The following RDX variants were observed in gnomAD, a reference collection of about 807,000 sequenced individuals.
RDX encodes the protein radixin, also known as deafness, autosomal recessive 24.
In RDX, 32 loss-of-function variants were observed where a neutral mutation model predicts 83.7. That is an observed-to-expected ratio of 0.38 (90% CI 0.29 to 0.51). The LOEUF (loss-of-function observed/expected upper bound fraction) is 0.51. RDX is among the 20% of genes least tolerant of loss of function. RDX has a pLI of 0.87. For missense variants in RDX, 600 were observed against 689.9 expected (o/e 0.87, Z 1.46); for synonymous variants, 229 against 222.7 (o/e 1.03, Z -0.25).
intron 14 of RDX, among the ~76,000 whole-genome samples, chr11:110,214,080 C>T (rs1257678272): frequency 3.0e-5 from 4 of 133,540 alleles, no homozygotes; most frequent in African/African-American, 1.1e-4. Context: ...AAAATTTTCG[C>T]AACCTACTCA....
At chr11:110,260,148 G>T (rs997913013) in intron 5 of RDX, among the ~76,000 whole-genome samples, 3 of 151,664 alleles carry the variant, frequency 2.0e-5, no homozygotes, top group African/African-American at 7.3e-5. Context: ...CACCACGCCC[G>T]GCTAATTTTG....
At chr11:110,246,937 A>C (rs1430419838) in intron 10 of RDX, among the ~76,000 whole-genome samples, 3 of 152,232 alleles carry the variant, frequency 2.0e-5, no homozygotes, top group Non-Finnish European at 4.4e-5. Flanking sequence ...CAGATTATTA[A>C]ATAGAGCTTT....
Position 110,279,677 on chromosome 11 carries a change from T to C in RDX, c.12+4A>G. ...CACTGTCAAATGTAATAAAATACAC[T>C]TACTGGTTTCGGCATTTTCTTTCTC... is the stretch of plus-strand genomic sequence containing the variant. On this transcript the variant is annotated splice_donor_region_variant and intron_variant, in intron 2 of 13. Coordinates refer to ENST00000645495, the MANE Select transcript of RDX (RefSeq NM_002906.4). 1 of 1,527,582 alleles carries C rather than the reference T, an allele frequency of 6.5e-7. No individual in the cohort carries two copies. Among genetic ancestry groups the C allele is most frequent in the Non-Finnish European group, 9.1e-7 (1 of 1,102,854 alleles). The allele number at this position is 1,527,582 out of a possible 1,614,324, so 94.6% of individuals were successfully genotyped here. A position where few individuals can be genotyped will look rare whatever the true frequency, so the allele number is the denominator to read the frequency against.
At chr11:110,240,685 C>T in intron 10 of RDX, among the ~76,000 whole-genome samples, 1 of 141,396 alleles carries the variant, frequency 7.1e-6, no homozygotes, top group African/African-American at 2.7e-5. Flanking sequence ...GCGGAGCTTG[C>T]AGTGAGCCGA....
chr11:110,284,449 TTTAGATAAGGTTAAGTGGAAAGGCAG>T (rs1860896060), intron 1 of RDX, among the ~76,000 whole-genome samples: 1 of 152,150 alleles, frequency 6.6e-6, no homozygotes, highest in East Asian at 1.9e-4. Context: ...TGTGTCAACA[TTTAGATAAGGTTAAGTGGAAAGGCAG>T]AATATGTAAC....
chr11:110,223,843 A>G (rs1436193810), intron 14 of RDX, among the ~76,000 whole-genome samples: 2 of 152,120 alleles, frequency 1.3e-5, no homozygotes, highest in African/African-American at 4.8e-5. Flanking sequence ...AGGTGGGCAG[A>G]TCACCTGAGG....
At chr11:110,241,012 C>G (rs1390952457) in intron 10 of RDX, among the ~76,000 whole-genome samples, 1 of 130,114 alleles carries the variant, frequency 7.7e-6, no homozygotes, top group African/African-American at 2.9e-5. Flanking sequence ...GCCGAGATCA[C>G]ACCACTGCAC....
intron 14 of RDX, among the ~76,000 whole-genome samples, chr11:110,203,712 C>T (rs1357686209): frequency 6.6e-6 from 1 of 151,646 alleles, no homozygotes; most frequent in Non-Finnish European, 1.5e-5. Flanking sequence ...GCATCATCTA[C>T]AAAAAAGTTT....
At chr11:110,280,169 T>C (rs1164538475) in intron 1 of RDX, among the ~76,000 whole-genome samples, 1 of 152,024 alleles carries the variant, frequency 6.6e-6, no homozygotes, top group East Asian at 1.9e-4. Context: ...TTATTCAATG[T>C]TTTTTTTCTG....
At chr11:110,258,022 T>A in intron 6 of RDX, 84 bp downstream of exon 6, 1 of 1,482,628 alleles carries the variant, frequency 6.7e-7, no homozygotes, top group Admixed American at 1.7e-5. Flanking sequence ...AAACAATCTT[T>A]TGGAAATAAT....
At chr11:110,177,379 G>A (rs925668583) in intron 15 of RDX, among the ~76,000 whole-genome samples, 2 of 152,180 alleles carry the variant, frequency 1.3e-5, no homozygotes, top group African/African-American at 4.8e-5. Context: ...TATTGTAAAA[G>A]GTGATCTTTT....
At chr11:110,176,685 C>T (rs941950380) in intron 15 of RDX, among the ~76,000 whole-genome samples, 3 of 152,108 alleles carry the variant, frequency 2.0e-5, no homozygotes, top group Admixed American at 6.5e-5. Context: ...AGAGGGGTGG[C>T]GCAGGGAATA....
chr11:110,254,098 A>C lies in RDX; in HGVS notation c.807T>G (p.Phe269Leu). 7 of 1,613,398 alleles carry C rather than the reference A, an allele frequency of 4.3e-6. No individual in the cohort carries two copies. Among genetic ancestry groups the C allele is most frequent in the Non-Finnish European group, 5.9e-6 (7 of 1,179,680 alleles). ...PIDKKAPDFV[F>L]YAPRLRINKR... is the part of the protein sequence containing the mutation. ...TATTGATTCTCAGACGAGGTGCATAAAACACAAAATCCTAAACATAAAGTA... is the reference window on the plus strand; with the variant it reads ...TATTGATTCTCAGACGAGGTGCATACAACACAAAATCCTAAACATAAAGTA... The change falls in exon 9 of 14, where the codon TTT becomes TTG. Residue 269 changes from phenylalanine to leucine, a missense_variant. Coordinates refer to ENST00000645495, the MANE Select transcript of RDX (RefSeq NM_002906.4).
intron 15 of RDX, among the ~76,000 whole-genome samples, chr11:110,180,508 C>T (rs529708686): frequency 2.0e-4 from 30 of 152,282 alleles, no homozygotes; most frequent in African/African-American, 7.0e-4. Flanking sequence ...ACCCATTTCC[C>T]CGGGCCACTG....
At chr11:110,282,112 A>G (rs1009361219) in intron 1 of RDX, among the ~76,000 whole-genome samples, 1 of 152,014 alleles carries the variant, frequency 6.6e-6, no homozygotes, top group Non-Finnish European at 1.5e-5. Flanking sequence ...ACAAAAAATG[A>G]CCTATAACCT....
intron 9 of RDX, among the ~76,000 whole-genome samples, chr11:110,253,126 C>G (rs1859405285): frequency 6.6e-6 from 1 of 152,056 alleles, no homozygotes; most frequent in South Asian, 2.1e-4. Flanking sequence ...CAATATAAAA[C>G]CTAAAACTAT....
intron 15 of RDX, among the ~76,000 whole-genome samples, chr11:110,192,336 G>A (rs1208807104): frequency 6.6e-6 from 1 of 152,174 alleles, no homozygotes; most frequent in Non-Finnish European, 1.5e-5. Flanking sequence ...CTATGCATAT[G>A]CAAAAGAATG....
rs546145648 is a variant in RDX at position 110,186,560 on chromosome 11, CAA to C, written c.*32-11328_*32-11327del. Among the ~76,000 whole-genome samples the C allele has an allele frequency of 2.6e-5, 4 of 151,912 alleles. No homozygotes were observed. The East Asian group carries it at 5.8e-4, about 22-fold the overall frequency. Reference sequence around the variant, plus strand: ...GGAAAATGGGAATCCATCAGCATAACAAAAGACATCCCAGATCCCAAGGAGAA... The same window carrying C: ...GGAAAATGGGAATCCATCAGCATAACAAGACATCCCAGATCCCAAGGAGAA... On this transcript the variant is annotated intron_variant, in intron 15 of 15. Coordinates refer to the RDX transcript ENST00000528498.
rs779065310 is a variant in RDX at position 110,263,974 on chromosome 11, T to A, written c.453A>T (p.Arg151Ser). ...IHKPGYLAND[R>S]LLPQRVLEQH... ...GTTTCACTTACCGCTGGGGTAGGAG[T>A]CTATCATTAGCCAGGTAGCCTGGCT... Residue 151 changes from arginine (R) to serine (S), a missense_variant, in exon 5 of 14, where the codon AGA becomes AGT. By Grantham distance (110) the Arg-to-Ser change is moderately radical. Transcript: ENST00000645495. The A allele has an allele frequency of 1.2e-6, 2 of 1,613,436 alleles. No homozygotes were observed. The highest frequency in any genetic ancestry group is 8.5e-7 in the Non-Finnish European group (1 of 1,179,574).
Sources: gnomAD v4.1 joint callset for allele counts (sites outside exome capture counted in the v4.1 genomes callset) on GRCh38, gnomAD v4.1.1 for gene constraint, MANE v1.5 for transcripts, NCBI Gene and HGNC (gene_info 2026-07-23, HGNC 2026-07-21) for gene names.